Variants in DDC observed in about 807,000 individuals in gnomAD.
DDC encodes the protein dopa decarboxylase.
Under a neutral mutation model 60.0 loss-of-function variants are expected in DDC, and 43 were observed. The observed-to-expected ratio is 0.72, with a 90% CI of 0.56 to 0.92. DDC has a LOEUF of 0.92. Among genes scored for constraint, DDC ranks in the 40% least tolerant of loss-of-function variants. The probability of loss-of-function intolerance (pLI) is 0.00; values close to 1 mark genes in which losing one functional copy is unlikely to be tolerated. For synonymous variants in DDC, 232 were observed against 234.6 expected, an observed-to-expected ratio of 0.99 and a Z score of 0.10; for missense variants, 573 against 620.2, an observed-to-expected ratio of 0.92 and a Z score of 0.81.
chr7:50,511,079 ACACAC>A (rs2043562073), intron 6 of DDC, among the ~76,000 whole-genome samples: 2 of 150,484 alleles, frequency 1.3e-5, no homozygotes, highest in Non-Finnish European at 3.0e-5. Context: ...ACACACACAC[ACACAC>A]AAAATAATAT....
chr7:50,501,074 A>G (rs2043241296), intron 7 of DDC, among the ~76,000 whole-genome samples: 1 of 152,156 alleles, frequency 6.6e-6, no homozygotes, highest in Admixed American at 6.5e-5. Flanking sequence ...GAGAAGTTGC[A>G]TGCACCAGGG....
chr7:50,561,027 TG>T (rs1277767408), intron 1 of DDC: 2 of 143,990 alleles, frequency 1.4e-5, no homozygotes, highest in Non-Finnish European at 3.1e-5. Context: ...CAGCCGGGAG[TG>T]ACTTGCTCTC....
At chr7:50,530,728 T>C (rs865860241) in intron 4 of DDC, among the ~76,000 whole-genome samples, 34 of 152,202 alleles carry the variant, frequency 2.2e-4, no homozygotes, top group Middle Eastern at 6.8e-3. Context: ...AAGTAAGTCG[T>C]AGAAGAAACC....
At chr7:50,551,464 C>T (rs1444514264) in intron 1 of DDC, among the ~76,000 whole-genome samples, 2 of 152,048 alleles carry the variant, frequency 1.3e-5, no homozygotes, top group Non-Finnish European at 2.9e-5. Context: ...AACTCCTGAC[C>T]TCAAGTGATC....
chr7:50,466,420 G>T (rs922640281), intron 13 of DDC, among the ~76,000 whole-genome samples: 1 of 150,612 alleles, frequency 6.6e-6, no homozygotes, highest in African/African-American at 2.5e-5. Flanking sequence ...GGGAGGCAGA[G>T]GTTGCAGTGA....
chr7:50,532,058 A>T (rs2044232659), intron 4 of DDC, among the ~76,000 whole-genome samples: 1 of 152,210 alleles, frequency 6.6e-6, no homozygotes, highest in African/African-American at 2.4e-5. Context: ...TCACAACAAC[A>T]GTTTGCCATT....
intron 4 of DDC, among the ~76,000 whole-genome samples, chr7:50,532,764 T>C (rs1277520845): frequency 6.6e-6 from 1 of 152,224 alleles, no homozygotes; most frequent in Non-Finnish European, 1.5e-5. Context: ...TTGAGGAGTA[T>C]ATAATTAGAG....
intron 6 of DDC, among the ~76,000 whole-genome samples, chr7:50,509,767 T>A (rs953304842): frequency 1.3e-5 from 2 of 152,232 alleles, no homozygotes; most frequent in Admixed American, 1.3e-4. Context: ...TAACATGACT[T>A]TTATGTTTAA....
chr7:50,492,588 G>A, intron 9 of DDC: 1 of 766,946 alleles, frequency 1.3e-6, no homozygotes, highest in Non-Finnish European at 1.7e-6. Context: ...CAGAGGATGG[G>A]AACTAACCCC....
At chr7:50,542,118 T>A (rs2044652339) in intron 2 of DDC, 1 of 152,092 alleles carries the variant, frequency 6.6e-6, no homozygotes, top group Non-Finnish European at 1.5e-5. Context: ...GCTGAAAAAA[T>A]GCTTAAATTT....
In DDC at chr7:50,467,321, A is replaced by G; in HGVS notation, c.1141-6T>C. On this transcript the variant is annotated splice_polypyrimidine_tract_variant and splice_region_variant and intron_variant, in intron 12 of 14. Transcript: ENST00000444124. Reference sequence around the variant, plus strand: ...TCATGGGACAGCTGGACATGCTTCAAAGAGGAAAGGGAAAATCTGTTTTTC... The same window carrying G: ...TCATGGGACAGCTGGACATGCTTCAGAGAGGAAAGGGAAAATCTGTTTTTC... 2.5e-6 allele frequency: 4 copies of G among 1,612,876 alleles called. No homozygotes were observed. In the South Asian group the frequency reaches 3.3e-5, roughly 13 times the overall value.
intron 7 of DDC, among the ~76,000 whole-genome samples, chr7:50,500,832 T>A (rs1188235050): frequency 6.6e-6 from 1 of 152,222 alleles, no homozygotes; most frequent in Non-Finnish European, 1.5e-5. Context: ...TGGAGGACTG[T>A]GTTCTCTCTA....
rs1202891099 is a variant in DDC at position 50,539,896 on chromosome 7, G to A, written c.315+19C>T. ...CACCACAGCCAGGACCCCTTCCCGA[G>A]GTGCATCCGGACCCTCACCCAGGAG... is the stretch of plus-strand genomic sequence containing the variant. On this transcript the variant is annotated intron_variant, in intron 3 of 14. Coordinates refer to ENST00000444124, the MANE Select transcript of DDC (RefSeq NM_001082971.2). The A allele has an allele frequency of 1.3e-6, 2 of 1,597,870 alleles. No individual in the cohort carries two copies. Among genetic ancestry groups the A allele is most frequent in the Non-Finnish European group, 1.7e-6 (2 of 1,165,914 alleles).
At chr7:50,523,052 A>G (rs141751013) in intron 6 of DDC, among the ~76,000 whole-genome samples, 1 of 152,344 alleles carries the variant, frequency 6.6e-6, no homozygotes, top group Admixed American at 6.5e-5. Context: ...ACTGAGGATT[A>G]CAATTCCACA....
chr7:50,559,410 C>G (rs1396621646), intron 1 of DDC, among the ~76,000 whole-genome samples: 2 of 149,826 alleles, frequency 1.3e-5, no homozygotes, highest in African/African-American at 5.0e-5. Flanking sequence ...CAGATAAACA[C>G]AAAACATCAG....
intron 1 of DDC, among the ~76,000 whole-genome samples, chr7:50,564,724 G>A (rs191657279): frequency 2.3e-3 from 356 of 152,300 alleles, no homozygotes; most frequent in Middle Eastern, 0.01. Flanking sequence ...TGGTGGGAAA[G>A]ATCTTCTAAT....
chr7:50,489,982 T>C (rs1013803218), intron 9 of DDC, among the ~76,000 whole-genome samples: 1 of 152,248 alleles, frequency 6.6e-6, no homozygotes, highest in Non-Finnish European at 1.5e-5. Flanking sequence ...TTAGAGTTTA[T>C]TGTTTAGAAA....
chr7:50,492,849 C>A (rs962361341), intron 9 of DDC: 102 of 1,553,832 alleles, frequency 6.6e-5, no homozygotes, highest in Admixed American at 2.3e-4. Context: ...CGCACAGCCG[C>A]CAACTTGCTG....
chr7:50,485,238 T>A (rs1451370), intron 9 of DDC, among the ~76,000 whole-genome samples: 3,364 of 152,254 alleles, frequency 0.022, 178 homozygotes, highest in Admixed American at 0.12. Context: ...GGCAATAAGC[T>A]CTGGACAGAA....
Sources: gnomAD v4.1 joint callset for allele counts (sites outside exome capture counted in the v4.1 genomes callset) on GRCh38, gnomAD v4.1.1 for gene constraint, MANE v1.5 for transcripts, NCBI Gene and HGNC (gene_info 2026-07-23, HGNC 2026-07-21) for gene names.